JPH3: variants seen among roughly 807,000 people sequenced by gnomAD.
JPH3 encodes junctophilin 3.
A neutral mutation model predicts 59.6 loss-of-function variants in JPH3; 11 were observed. The ratio of observed to expected loss-of-function variants is 0.18; its 90% CI spans 0.12 to 0.31. The LOEUF is 0.31. Among genes scored for constraint, JPH3 ranks in the 10% least tolerant of loss-of-function variants. The pLI, the probability that JPH3 is intolerant of heterozygous loss-of-function variation, is 1.00. For missense variants in JPH3, 1,202 were observed against 1,105.7 expected, an observed-to-expected ratio of 1.09 and a Z score of -1.24; for synonymous variants, 673 against 483.6, an observed-to-expected ratio of 1.39 and a Z score of -5.14.
intron 1 of JPH3, among the ~76,000 whole-genome samples, chr16:87,634,175 C>G (rs1017699844): frequency 5.9e-5 from 9 of 152,286 alleles, no homozygotes; most frequent in Middle Eastern, 3.4e-3. Flanking sequence ...CGTCTGTTGG[C>G]CAGCGCAGGG....
chr16:87,640,946 G>A (rs2031928739), intron 1 of JPH3, among the ~76,000 whole-genome samples: 1 of 152,168 alleles, frequency 6.6e-6, no homozygotes, highest in African/African-American at 2.4e-5. Flanking sequence ...TTGGTAAAGG[G>A]CCACCCCCTG....
intron 1 of JPH3, among the ~76,000 whole-genome samples, chr16:87,630,707 A>G (rs576899595): frequency 7.2e-5 from 11 of 152,310 alleles, no homozygotes; most frequent in African/African-American, 2.6e-4. Context: ...TGGAGCAAAA[A>G]TCATGTGTGT....
intron 1 of JPH3, among the ~76,000 whole-genome samples, chr16:87,627,833 C>G (rs893643219): frequency 2.6e-5 from 4 of 152,212 alleles, no homozygotes; most frequent in East Asian, 1.9e-4. Flanking sequence ...CAGTCCTGCC[C>G]CGAGGTGCCA....
chr16:87,691,091 C>CG (rs199585851), intron 4 of JPH3, among the ~76,000 whole-genome samples: 88 of 150,048 alleles, frequency 5.9e-4, no homozygotes, highest in African/African-American at 1.9e-3. Context: ...CCAGCACCCC[C>CG]CCCCCAAATT....
Position 87,644,597 on chromosome 16 carries a change from A to T in JPH3, c.722A>T (p.Gln241Leu). ...AGCCTGGCCAGCCAACGCAGCAAGC[A>T]GAGCTCCTTTCGCAGCGAGGCGGGC... ...KSSLASQRSK[Q>L]SSFRSEAGMS... is the part of the protein sequence containing the mutation. The change falls in exon 2 of 5, where the codon CAG (glutamine) becomes CTG (leucine). Residue 241 changes from glutamine (Q) to leucine (L), a missense_variant. Gln to Leu is a moderately radical substitution (Grantham distance 113, BLOSUM62 -2). Transcript: ENST00000284262. The T allele has an allele frequency of 6.2e-7, 1 of 1,613,018 alleles. No homozygotes were observed. Among genetic ancestry groups the T allele is most frequent in the Non-Finnish European group, 8.5e-7 (1 of 1,179,896 alleles).
chr16:87,653,081 G>A (rs2032378478), intron 2 of JPH3, among the ~76,000 whole-genome samples: 1 of 152,108 alleles, frequency 6.6e-6, no homozygotes, highest in East Asian at 1.9e-4. Context: ...GGGGGGACTA[G>A]AATTCTCACC....
chr16:87,689,807 A>T lies in JPH3; in HGVS notation c.1447A>T (p.Ser483Cys). Reference sequence around the variant, plus strand: ...CAGCCCCCTGCAGAGCTTCCCCACCAGCCCCGCGGCCACCCCGCCGCCCGC... The same window carrying T: ...CAGCCCCCTGCAGAGCTTCCCCACCTGCCCCGCGGCCACCCCGCCGCCCGC... ...DDSPLQSFPT[S>C]PAATPPPAPA... The change falls in exon 4 of 5, where the codon AGC (serine) becomes TGC (cysteine). Residue 483 changes from serine (S) to cysteine (C), a missense_variant. By Grantham distance (112) the Ser-to-Cys change is moderately radical. Coordinates refer to ENST00000284262, the MANE Select transcript of JPH3 (RefSeq NM_020655.4). The T allele has an allele frequency of 6.3e-7, 1 of 1,587,428 alleles. No individual in the cohort carries two copies. The highest frequency in any genetic ancestry group is 8.6e-7 in the Non-Finnish European group (1 of 1,166,908).
At chr16:87,635,554 G>A (rs934170723) in intron 1 of JPH3, among the ~76,000 whole-genome samples, 1 of 152,168 alleles carries the variant, frequency 6.6e-6, no homozygotes, top group African/African-American at 2.4e-5. Context: ...CTGTCCCAGC[G>A]GATCTCCGAG....
intron 1 of JPH3, among the ~76,000 whole-genome samples, chr16:87,612,862 C>CAAA (rs988871602): frequency 1.3e-5 from 2 of 150,972 alleles, no homozygotes; most frequent in African/African-American, 4.9e-5. Flanking sequence ...ACTAAAAATA[C>CAAA]AAAAAAAATA....
intron 2 of JPH3, among the ~76,000 whole-genome samples, chr16:87,649,261 C>A (rs969671559): frequency 1.3e-5 from 2 of 152,210 alleles, no homozygotes; most frequent in African/African-American, 4.8e-5. Context: ...TCTGAGATGG[C>A]CCCATCCTGC....
chr16:87,688,098 C>T (rs995917031), intron 3 of JPH3, among the ~76,000 whole-genome samples: 1 of 152,192 alleles, frequency 6.6e-6, no homozygotes, highest in Admixed American at 6.5e-5. Context: ...CCTTCTCTGG[C>T]CCATTCCCTG....
Position 87,604,752 on chromosome 16 carries a change from T to C in JPH3, c.382+1224T>C, listed in dbSNP as rs1032936844. 5 of 869,458 alleles carry C rather than the reference T, an allele frequency of 5.8e-6. No individual in the cohort carries two copies. In the African/African-American group the frequency reaches 8.8e-5, roughly 15 times the overall value. The allele number at this position is 869,458 out of a possible 1,614,324, so 53.9% of individuals were successfully genotyped here. ...CTGGAGAGTAATTATTATTTTGGCT[T>C]ATGCAACTGAAAAGCAGGGTTCGTT... is the stretch of plus-strand genomic sequence containing the variant. On this transcript the variant is annotated intron_variant, in intron 1 of 4. Coordinates refer to ENST00000284262, the MANE Select transcript of JPH3 (RefSeq NM_020655.4).
chr16:87,685,386 G>C (rs1193118804), intron 3 of JPH3, among the ~76,000 whole-genome samples: 1 of 152,226 alleles, frequency 6.6e-6, no homozygotes. Context: ...TGTCCAAGTG[G>C]GAGGGCAATG....
intron 2 of JPH3, chr16:87,653,738 T>A (rs374850833): frequency 6.6e-6 from 1 of 152,104 alleles, no homozygotes; most frequent in Non-Finnish European, 1.5e-5. Flanking sequence ...TAATTGGAAA[T>A]AGGGTCGTTG....
chr16:87,648,548 C>T (rs573062790), intron 2 of JPH3, among the ~76,000 whole-genome samples: 91 of 152,254 alleles, frequency 6.0e-4, no homozygotes, highest in Middle Eastern at 3.4e-3. Context: ...GGCCCTTCCC[C>T]GGAGAGCAGC....
intron 1 of JPH3, among the ~76,000 whole-genome samples, chr16:87,642,010 T>C (rs1296852668): frequency 2.0e-5 from 3 of 151,436 alleles, no homozygotes; most frequent in Admixed American, 6.6e-5. Flanking sequence ...TTGGAGCCCA[T>C]GGGATTCGAT....
chr16:87,658,290 C>T (rs1340460030), intron 2 of JPH3, among the ~76,000 whole-genome samples: 1 of 152,114 alleles, frequency 6.6e-6, no homozygotes, highest in African/African-American at 2.4e-5. Flanking sequence ...TCTGCATTGT[C>T]TGCCTTTGAA....
At chr16:87,633,643 A>G (rs1156848431) in intron 1 of JPH3, among the ~76,000 whole-genome samples, 1 of 152,038 alleles carries the variant, frequency 6.6e-6, no homozygotes, top group African/African-American at 2.4e-5. Flanking sequence ...TAGTAAAAAT[A>G]CAAAGATTAG....
Position 87,697,101 on chromosome 16 carries a change from C to T in JPH3, c.*441C>T, listed in dbSNP as rs924523768. 3.8e-6 allele frequency: 1 copy of T among 263,132 alleles called. No homozygotes were observed. Among genetic ancestry groups the T allele is most frequent in the Non-Finnish European group, 7.5e-6 (1 of 134,190 alleles). The allele number at this position is 263,132 out of a possible 1,614,324, so 16.3% of individuals were successfully genotyped here. A position where few individuals can be genotyped will look rare whatever the true frequency, so the allele number is the denominator to read the frequency against. ...TCGACACGAGCTTAGAAAGTGGATTCACTGCTTTCTCTGTCTAGAACAGAC... is the reference window on the plus strand; with the variant it reads ...TCGACACGAGCTTAGAAAGTGGATTTACTGCTTTCTCTGTCTAGAACAGAC... On this transcript the variant is annotated 3_prime_UTR_variant, in exon 5 of 5. Transcript: ENST00000284262.
Sources: allele counts gnomAD v4.1 joint callset (sites outside exome capture counted in the v4.1 genomes callset), GRCh38; gene constraint gnomAD v4.1.1; transcripts MANE v1.5; gene names NCBI Gene and HGNC (gene_info 2026-07-23, HGNC 2026-07-21).